STIM2: variants seen among roughly 807,000 people sequenced by gnomAD.
The protein encoded by STIM2 is stromal interaction molecule 2.
A neutral mutation model predicts 85.8 loss-of-function variants in STIM2; 31 were observed. That is an observed-to-expected ratio of 0.36 (90% CI 0.27 to 0.49). The LOEUF (loss-of-function observed/expected upper bound fraction) is 0.49. STIM2 is among the 20% of genes least tolerant of loss of function. The pLI is 0.98. For synonymous variants in STIM2, 356 were observed against 331.1 expected, an observed-to-expected ratio of 1.08 and a Z score of -0.82; for missense variants, 841 against 927.6, an observed-to-expected ratio of 0.91 and a Z score of 1.21.
At chr4:26,863,791 G>C (rs1181416374) in intron 1 of STIM2, among the ~76,000 whole-genome samples, 1 of 152,058 alleles carries the variant, frequency 6.6e-6, no homozygotes, top group South Asian at 2.1e-4. Context: ...GAGAAGAATT[G>C]GTCTCTTTGT....
At chr4:26,862,874 A>G (rs919156527) in intron 1 of STIM2, among the ~76,000 whole-genome samples, 3 of 152,216 alleles carry the variant, frequency 2.0e-5, no homozygotes, top group Admixed American at 2.0e-4. Flanking sequence ...AAATAAGACT[A>G]TAATTTGAAG....
At chr4:26,948,674 T>C (rs896369898) in intron 2 of STIM2, among the ~76,000 whole-genome samples, 1 of 152,222 alleles carries the variant, frequency 6.6e-6, no homozygotes. Flanking sequence ...CCACTAAAAT[T>C]GCTTAAAATT....
intron 3 of STIM2, among the ~76,000 whole-genome samples, chr4:26,972,240 C>T (rs570642241): frequency 6.6e-6 from 1 of 152,138 alleles, no homozygotes; most frequent in South Asian, 2.1e-4. Flanking sequence ...ATTTCTTTCT[C>T]TTGCCTGATT....
chr4:26,962,604 G>GTGTGTC (rs35095687), intron 3 of STIM2, among the ~76,000 whole-genome samples: 3 of 148,770 alleles, frequency 2.0e-5, no homozygotes, highest in African/African-American at 7.5e-5. Flanking sequence ...GTGTGTGTAT[G>GTGTGTC]TGTGTCTGTG....
Position 26,949,699 on chromosome 4 carries a change from C to T in STIM2, c.283-7913C>T, listed in dbSNP as rs188176069. 4.6e-5 allele frequency among the ~76,000 whole-genome samples: 7 copies of T among 152,132 alleles called. No homozygotes were observed. In the East Asian group the frequency reaches 9.7e-4, roughly 21 times the overall value. ...TTCAGGGTCTTTATGGTTGAATTTG[C>T]GTATGTGTGTGTATTAACTTAAGCA... On this transcript the variant is annotated intron_variant, in intron 2 of 11. Transcript: ENST00000467087.
At chr4:26,888,466 C>G (rs1288793419) in intron 1 of STIM2, among the ~76,000 whole-genome samples, 3 of 152,202 alleles carry the variant, frequency 2.0e-5, no homozygotes, top group East Asian at 1.9e-4. Flanking sequence ...AGCAAGAAAA[C>G]AAAGATATTT....
chr4:26,874,236 G>A (rs1722733966), intron 1 of STIM2: 1 of 439,744 alleles, frequency 2.3e-6, no homozygotes, highest in South Asian at 1.8e-5. Context: ...TGCGGCAGGG[G>A]TCTCCTGGAT....
At position 27,009,220 on chromosome 4, in the gene STIM2, TACAC is replaced by T. The variant is rs897289551; in HGVS notation, c.1489+223_1489+226del. On this transcript the variant is annotated intron_variant, in intron 10 of 11. Coordinates refer to ENST00000467087, the MANE Select transcript of STIM2 (RefSeq NM_020860.4). ...TGTGTATATTTATATTATATATTTA[TACAC>T]ACACTTTAAAGAAATCTGAATGCTT... is the stretch of plus-strand genomic sequence containing the variant. Among the ~76,000 whole-genome samples the T allele has an allele frequency of 3.2e-4, 48 of 152,250 alleles. 1 individual carries two copies. Among genetic ancestry groups the T allele is most frequent in the African/African-American group, 1.1e-3 (47 of 41,506 alleles).
chr4:27,021,374 G>A, intron 11 of STIM2: 1 of 412,964 alleles, frequency 2.4e-6, no homozygotes, highest in South Asian at 1.8e-5. Context: ...GTTAGGGCAG[G>A]CAGCAGTAAC....
intron 4 of STIM2, among the ~76,000 whole-genome samples, chr4:26,998,108 C>G (rs1412801255): frequency 6.6e-6 from 1 of 152,122 alleles, no homozygotes; most frequent in Non-Finnish European, 1.5e-5. Flanking sequence ...GAGTATTAAG[C>G]CATTGGTACA....
rs547597619 is a variant in STIM2 at position 26,923,135 on chromosome 4, G to A, written c.282+3501G>A. On this transcript the variant is annotated intron_variant, in intron 2 of 11. Transcript: ENST00000467087. The stretch of plus-strand genomic sequence containing the variant: ...GGGCACACTGACACGTCACACGGCA[G>A]GGTATTCCAACAGACCTGCAGCTGA... 3.3e-5 allele frequency among the ~76,000 whole-genome samples: 5 copies of A among 151,372 alleles called. No individual in the cohort carries two copies. The East Asian group carries it at 9.7e-4, about 29-fold the overall frequency.
At chr4:26,932,577 A>T (rs769456629) in intron 2 of STIM2, among the ~76,000 whole-genome samples, 2 of 152,186 alleles carry the variant, frequency 1.3e-5, no homozygotes, top group African/African-American at 4.8e-5. Flanking sequence ...TCATGGTAGT[A>T]TATCTTGGCT....
Position 26,861,386 on chromosome 4 carries a change from C to T in STIM2, c.151+17C>T. The T allele has an allele frequency of 1.6e-6, 2 of 1,283,820 alleles. No homozygotes were observed. The highest frequency in any genetic ancestry group is 9.8e-7 in the Non-Finnish European group (1 of 1,019,238). The allele number at this position is 1,283,820 out of a possible 1,614,324, so 79.5% of individuals were successfully genotyped here. A position where few individuals can be genotyped will look rare whatever the true frequency, so the allele number is the denominator to read the frequency against. On this transcript the variant is annotated intron_variant, in intron 1 of 11. Transcript: ENST00000467087. The stretch of plus-strand genomic sequence containing the variant: ...TCATGACAGGTGAGGGGCCGGGGGG[C>T]GGCGGGCGGGGCTCGGCCGGCAGCG...
intron 1 of STIM2, among the ~76,000 whole-genome samples, chr4:26,903,549 A>G (rs529449525): frequency 2.8e-4 from 43 of 152,310 alleles, no homozygotes; most frequent in African/African-American, 9.9e-4. Flanking sequence ...GTAAATGTTA[A>G]TTGAGACAAG....
At chr4:26,960,379 GTATA>G (rs1197709288) in intron 3 of STIM2, among the ~76,000 whole-genome samples, 9 of 152,078 alleles carry the variant, frequency 5.9e-5, no homozygotes, top group Non-Finnish European at 1.2e-4. Flanking sequence ...ATGTGTGTAT[GTATA>G]TATATGTATA....
chr4:27,023,520 C>G lies in STIM2; in HGVS notation c.*524C>G, dbSNP rs2109150984. Reference sequence around the variant, plus strand: ...AAACTGTATAGAGTTTATAAAATGACTATGGATAGGGGACTGTTTTCACTT... The same window carrying G: ...AAACTGTATAGAGTTTATAAAATGAGTATGGATAGGGGACTGTTTTCACTT... On this transcript the variant is annotated 3_prime_UTR_variant, in exon 12 of 12. Transcript: ENST00000467087. 6.5e-6 allele frequency: 1 copy of G among 153,276 alleles called. No individual in the cohort carries two copies. Among genetic ancestry groups the G allele is most frequent in the South Asian group, 2.0e-4 (1 of 4,918 alleles). The allele number at this position is 153,276 out of a possible 1,614,324, so 9.5% of individuals were successfully genotyped here. A position where few individuals can be genotyped will look rare whatever the true frequency, so the allele number is the denominator to read the frequency against.
intron 3 of STIM2, among the ~76,000 whole-genome samples, chr4:26,981,158 C>T (rs891945291): frequency 1.3e-5 from 2 of 152,136 alleles, no homozygotes; most frequent in East Asian, 1.9e-4. Context: ...TTTGTGACAT[C>T]GGACAGGACA....
At chr4:26,898,710 T>C (rs1723798196) in intron 1 of STIM2, among the ~76,000 whole-genome samples, 1 of 152,172 alleles carries the variant, frequency 6.6e-6, no homozygotes, top group African/African-American at 2.4e-5. Context: ...TAAGTTGATA[T>C]CCTTGCAATC....
chr4:26,947,511 A>C (rs114962423), intron 2 of STIM2, among the ~76,000 whole-genome samples: 2,557 of 152,226 alleles, frequency 0.017, 76 homozygotes, highest in African/African-American at 0.059. Flanking sequence ...CTCTCTTTGC[A>C]GATTATCTGC....
Sources: allele counts gnomAD v4.1 joint callset (sites outside exome capture counted in the v4.1 genomes callset), GRCh38; gene constraint gnomAD v4.1.1; transcripts MANE v1.5; gene names NCBI Gene and HGNC (gene_info 2026-07-23, HGNC 2026-07-21).